The following ZBTB44 variants were observed in gnomAD, a reference collection of about 807,000 sequenced individuals.
ZBTB44 encodes zinc finger and BTB domain-containing protein 44.
ZBTB44 carries 15 observed loss-of-function variants against 54.0 expected under a neutral mutation model. The ratio of observed to expected loss-of-function variants is 0.28; its 90% CI spans 0.19 to 0.43. The LOEUF (loss-of-function observed/expected upper bound fraction) is 0.43. ZBTB44 is among the 20% of genes least tolerant of loss of function. The pLI is 1.00. For missense variants in ZBTB44, 487 were observed against 707.1 expected, an observed-to-expected ratio of 0.69 and a Z score of 3.53; for synonymous variants, 230 against 250.1, an observed-to-expected ratio of 0.92 and a Z score of 0.76.
intron 1 of ZBTB44, among the ~76,000 whole-genome samples, chr11:130,303,309 C>G (rs1452837655): frequency 6.6e-6 from 1 of 152,116 alleles, no homozygotes; most frequent in Non-Finnish European, 1.5e-5. Context: ...ACTATCAAAA[C>G]CAAATCAATA....
At chr11:130,299,558 CAAAA>C (rs61645424) in intron 1 of ZBTB44, among the ~76,000 whole-genome samples, 1 of 52,626 alleles carries the variant, frequency 1.9e-5, no homozygotes, top group Non-Finnish European at 3.9e-5. Flanking sequence ...GTCTCGGGGA[CAAAA>C]AAAAAAAAAA....
chr11:130,292,929 T>C (rs996962684), intron 1 of ZBTB44, among the ~76,000 whole-genome samples: 8 of 152,224 alleles, frequency 5.3e-5, no homozygotes, highest in African/African-American at 1.7e-4. Flanking sequence ...CCTCATATTT[T>C]ATATTTTGCT....
At chr11:130,312,931 T>C (rs535942459) in intron 1 of ZBTB44, among the ~76,000 whole-genome samples, 69 of 152,258 alleles carry the variant, frequency 4.5e-4, no homozygotes, top group African/African-American at 1.6e-3. Context: ...TTCAAATAAT[T>C]ACACACATAC....
At chr11:130,306,219 T>C (rs1942255590) in intron 1 of ZBTB44, among the ~76,000 whole-genome samples, 1 of 152,096 alleles carries the variant, frequency 6.6e-6, no homozygotes, top group Admixed American at 6.5e-5. Flanking sequence ...GAACTAAAAG[T>C]AGGCTGGGCA....
At chr11:130,237,273 A>G (rs931480747) in intron 4 of ZBTB44, among the ~76,000 whole-genome samples, 180 bp from the exon 5 acceptor site, 2 of 152,206 alleles carry the variant, frequency 1.3e-5, no homozygotes, top group African/African-American at 4.8e-5. Flanking sequence ...AAAAGTCACA[A>G]GTGCTTAAAA....
chr11:130,295,608 T>C (rs1335581902), intron 1 of ZBTB44: 7 of 777,930 alleles, frequency 9.0e-6, no homozygotes, highest in South Asian at 1.5e-5. Context: ...CTACATAATA[T>C]TGTCAATGAA....
intron 1 of ZBTB44, among the ~76,000 whole-genome samples, chr11:130,313,753 AAATTCT>A (rs1942755256): frequency 1.3e-5 from 2 of 152,150 alleles, no homozygotes; most frequent in Admixed American, 6.6e-5. Context: ...GTTTTATTGT[AAATTCT>A]GCTTGGATTC....
intron 1 of ZBTB44, among the ~76,000 whole-genome samples, chr11:130,288,751 T>C (rs1363071129): frequency 6.6e-6 from 1 of 151,172 alleles, no homozygotes; most frequent in African/African-American, 2.4e-5. Context: ...ACAAAAATTA[T>C]CCAGGCATGG....
chr11:130,303,632 T>C (rs1942102964), intron 1 of ZBTB44, among the ~76,000 whole-genome samples: 1 of 151,292 alleles, frequency 6.6e-6, no homozygotes, highest in Admixed American at 6.6e-5. Context: ...CGAAACTCCA[T>C]CTCAAAAAAA....
intron 5 of ZBTB44, chr11:130,236,168 C>T (rs1954098248): frequency 7.8e-7 from 1 of 1,287,978 alleles, no homozygotes; most frequent in Non-Finnish European, 1.0e-6. Flanking sequence ...GTTTAATCAA[C>T]AGCAGTTAGT....
intron 1 of ZBTB44, among the ~76,000 whole-genome samples, chr11:130,311,582 G>A (rs1439800774): frequency 6.6e-6 from 1 of 152,148 alleles, no homozygotes; most frequent in Non-Finnish European, 1.5e-5. Context: ...GGAAGAAAAA[G>A]TCTGCTTGTT....
intron 1 of ZBTB44, among the ~76,000 whole-genome samples, chr11:130,268,866 C>A (rs985597714): frequency 4.0e-5 from 6 of 150,726 alleles, no homozygotes; most frequent in African/African-American, 1.5e-4. Context: ...AGGTGTGAGC[C>A]ATCACGCTCG....
chr11:130,259,616 T>C (rs1423270468), intron 2 of ZBTB44, among the ~76,000 whole-genome samples: 1 of 152,182 alleles, frequency 6.6e-6, no homozygotes, highest in Non-Finnish European at 1.5e-5. Context: ...TGAAATACTA[T>C]GCAGCCATAA....
intron 1 of ZBTB44, among the ~76,000 whole-genome samples, chr11:130,283,696 TG>T (rs1940705761): frequency 1.3e-5 from 2 of 152,036 alleles, no homozygotes; most frequent in Admixed American, 1.3e-4. Context: ...CCAGGCGCAG[TG>T]GCTCATGCCT....
intron 5 of ZBTB44, among the ~76,000 whole-genome samples, chr11:130,235,665 T>C (rs61915087): frequency 1.3e-5 from 2 of 149,904 alleles, no homozygotes; most frequent in African/African-American, 4.9e-5. Context: ...ATCTATTCAA[T>C]TAAAAAAAAA....
chr11:130,239,998 T>A, intron 2 of ZBTB44, 102 bp from the exon 3 acceptor site: 1 of 758,458 alleles, frequency 1.3e-6, no homozygotes, highest in Non-Finnish European at 2.2e-6. Context: ...ATATATTATC[T>A]AGTGTTCATA....
At chr11:130,299,584 C>G (rs1941879741) in intron 1 of ZBTB44, among the ~76,000 whole-genome samples, 1 of 150,786 alleles carries the variant, frequency 6.6e-6, no homozygotes, top group Admixed American at 6.6e-5. Context: ...ATGATGGTCT[C>G]TAAATATCAA....
At chr11:130,256,423 A>T (rs932669686) in intron 2 of ZBTB44, among the ~76,000 whole-genome samples, 2 of 152,212 alleles carry the variant, frequency 1.3e-5, no homozygotes, top group African/African-American at 4.8e-5. Context: ...CACGCCTGTA[A>T]TCCCAGCATT....
chr11:130,236,015 C>A, intron 5 of ZBTB44: 25 of 915,942 alleles, frequency 2.7e-5, no homozygotes, highest in South Asian at 2.1e-4. Flanking sequence ...TTATGAGAAA[C>A]TAAGGATTCC....
Sources: gnomAD v4.1 joint callset for allele counts (sites outside exome capture counted in the v4.1 genomes callset) on GRCh38, gnomAD v4.1.1 for gene constraint, MANE v1.5 for transcripts, NCBI Gene and HGNC (gene_info 2026-07-23, HGNC 2026-07-21) for gene names.